The following FUT8 variants were observed in gnomAD, a reference collection of about 807,000 sequenced individuals.
The protein encoded by FUT8 is fucosyltransferase 8, also known as alpha-(1,6)-fucosyltransferase.
FUT8 carries 29 observed loss-of-function variants against 71.3 expected under a neutral mutation model. The ratio of observed to expected loss-of-function variants is 0.41; its 90% CI spans 0.30 to 0.55. The LOEUF is 0.55. FUT8 is among the 20% of genes least tolerant of loss of function. The pLI is 0.34. For synonymous variants in FUT8, 254 were observed against 239.3 expected (o/e 1.06, Z -0.57); for missense variants, 544 against 702.1 (o/e 0.77, Z 2.55).
At chr14:65,435,857 G>GT (rs1266990145) in intron 1 of FUT8, among the ~76,000 whole-genome samples, 2 of 131,084 alleles carry the variant, frequency 1.5e-5, no homozygotes, top group Admixed American at 7.5e-5. Flanking sequence ...TGTGGTTTTA[G>GT]TTTGCATTTT....
Position 65,489,572 on chromosome 14 carries a change from C to T in FUT8, c.-228+33854C>T, listed in dbSNP as rs1215664564. 6.6e-6 allele frequency among the ~76,000 whole-genome samples: 1 copy of T among 151,924 alleles called. No homozygotes were observed. Among genetic ancestry groups the T allele is most frequent in the Non-Finnish European group, 1.5e-5 (1 of 67,950 alleles). ...TAGATTTGTGATTAAAAAAATAGTT[C>T]CCTATTTGAATAATTGTCCAGGAAA... On this transcript the variant is annotated intron_variant, in intron 2 of 10. Transcript: ENST00000673929. This position sits in a 1 kb window ranked among gnomAD's most constrained non-coding sequence, Gnocchi z 4.0.
rs1022559620 is a variant in FUT8, at chr14:65,610,909, G to A, written c.204-5069G>A. On this transcript the variant is annotated intron_variant, in intron 3 of 10. Coordinates refer to ENST00000673929, the MANE Select transcript of FUT8 (RefSeq NM_001371533.1). Reference sequence around the variant, plus strand: ...TCTACATTACATATGGTTGGGTTTGGTTTGCTAAATTTTTTTATAATTTTT... The same window carrying A: ...TCTACATTACATATGGTTGGGTTTGATTTGCTAAATTTTTTTATAATTTTT... Among the ~76,000 whole-genome samples, 5 of 151,682 alleles carry A rather than the reference G, an allele frequency of 3.3e-5. 1 individual carries two copies. The highest frequency in any genetic ancestry group is 7.4e-5 in the Non-Finnish European group (5 of 67,870).
At chr14:65,502,912 A>T (rs528157646) in intron 2 of FUT8, among the ~76,000 whole-genome samples, 91 of 152,332 alleles carry the variant, frequency 6.0e-4, no homozygotes, top group Non-Finnish European at 1.1e-3. Context: ...ACAAGCTCCC[A>T]GGGGAGGCTG....
At chr14:65,465,430 C>T (rs1054256701) in intron 2 of FUT8, among the ~76,000 whole-genome samples, 3 of 152,152 alleles carry the variant, frequency 2.0e-5, no homozygotes, top group Admixed American at 1.3e-4. Context: ...CCTTAGCCTC[C>T]CAAAGTGCTG....
At chr14:65,576,535 T>G (rs979764889) in intron 3 of FUT8, among the ~76,000 whole-genome samples, 4 of 149,916 alleles carry the variant, frequency 2.7e-5, no homozygotes, top group African/African-American at 9.9e-5. Context: ...TCCGTTTTTG[T>G]TTTTTTTTCC....
At chr14:65,696,269 T>G (rs1476293618) in intron 7 of FUT8, among the ~76,000 whole-genome samples, 1 of 152,214 alleles carries the variant, frequency 6.6e-6, no homozygotes, top group East Asian at 1.9e-4. Flanking sequence ...GTTTTGTTTA[T>G]CTGAGAAATT....
intron 2 of FUT8, among the ~76,000 whole-genome samples, chr14:65,524,070 CCATA>C (rs1452136654): frequency 1.3e-5 from 2 of 152,072 alleles, no homozygotes; most frequent in African/African-American, 4.8e-5. Context: ...TTTTTTGGTT[CCATA>C]TGAACTTTAA....
In FUT8 at chr14:65,603,718, A is replaced by G. The variant is rs139591276; in HGVS notation, c.204-12260A>G. On this transcript the variant is annotated intron_variant, in intron 3 of 10. Transcript: ENST00000673929. The surrounding 1 kb of genome is among the most constrained non-coding windows in gnomAD (Gnocchi z 4.5). ...AATACACTAAAAAAAAATCCAAGGT[A>G]TACAGGCAACAGATAGGACGATGAA... Among the ~76,000 whole-genome samples the G allele has an allele frequency of 2.6e-5, 4 of 151,940 alleles. No individual in the cohort carries two copies. The East Asian group carries it at 7.7e-4, about 29-fold the overall frequency.
chr14:65,602,341 TCTCACA>T (rs1295162703), intron 3 of FUT8, among the ~76,000 whole-genome samples: 1,650 of 50,044 alleles, frequency 0.033, 98 homozygotes, highest in Non-Finnish European at 0.047. Flanking sequence ...GCGTTCCATC[TCTCACA>T]CACACACACA....
In FUT8 at chr14:65,637,690, C is replaced by G. The variant is rs968908214; in HGVS notation, c.597+8084C>G. Among the ~76,000 whole-genome samples the G allele has an allele frequency of 2.6e-5, 4 of 151,914 alleles. No individual in the cohort carries two copies. In the East Asian group the frequency reaches 7.7e-4, roughly 29 times the overall value. ...TAGGTCTGAGTTCTTGTTCCACAAC[C>G]AAGAAGAATAAGGCGTGTGGACACC... On this transcript the variant is annotated intron_variant, in intron 6 of 10. Coordinates refer to ENST00000673929, the MANE Select transcript of FUT8 (RefSeq NM_001371533.1).
Position 65,629,149 on chromosome 14 carries a change from C to T in FUT8, c.483-343C>T, listed in dbSNP as rs554788252. ...AACCAAGAGGTACTAATACTAACGTCAACTTCTTTCTCTATGTTAATTTAC... is the reference window on the plus strand; with the variant it reads ...AACCAAGAGGTACTAATACTAACGTTAACTTCTTTCTCTATGTTAATTTAC... On this transcript the variant is annotated intron_variant, in intron 5 of 10. Coordinates refer to ENST00000673929, the MANE Select transcript of FUT8 (RefSeq NM_001371533.1). Among the ~76,000 whole-genome samples the T allele has an allele frequency of 4.6e-5, 7 of 152,314 alleles. No homozygotes were observed. The South Asian group carries it at 1.2e-3, about 27-fold the overall frequency.
chr14:65,580,865 C>G (rs1213027328), intron 3 of FUT8, among the ~76,000 whole-genome samples: 1 of 152,052 alleles, frequency 6.6e-6, no homozygotes, highest in Non-Finnish European at 1.5e-5. Flanking sequence ...AGCCCCTAGA[C>G]ACAGTGTGGA....
rs1328336662 is a variant in FUT8, at chr14:65,638,089, C to T, written c.597+8483C>T. Among the ~76,000 whole-genome samples the T allele has an allele frequency of 6.6e-5, 10 of 152,208 alleles. No individual in the cohort carries two copies. The highest frequency in any genetic ancestry group is 1.5e-4 in the Non-Finnish European group (10 of 68,032). ...TTGGGTCAGTCGTTTCTGAGCAACA[C>T]CCTGGCACAAGGTGAAGTTCGTAAC... On this transcript the variant is annotated intron_variant, in intron 6 of 10. Coordinates refer to ENST00000673929, the MANE Select transcript of FUT8 (RefSeq NM_001371533.1). The surrounding 1 kb of genome is among the most constrained non-coding windows in gnomAD (Gnocchi z 4.5).
At chr14:65,369,400 G>A in the FUT8 span, among the ~76,000 whole-genome samples, 6 of 152,220 alleles carry the variant, frequency 3.9e-5, no homozygotes, top group African/African-American at 1.4e-4. This position sits in a 1 kb window ranked among gnomAD's most constrained non-coding sequence, Gnocchi z 4.6. Context: ...TTAAATCAGA[G>A]TGACTTCATC....
At chr14:65,422,522 G>A (rs1432648240) in intron 1 of FUT8, among the ~76,000 whole-genome samples, 1 of 151,838 alleles carries the variant, frequency 6.6e-6, no homozygotes, top group Non-Finnish European at 1.5e-5. Context: ...TTAAGAGATA[G>A]GGTCTTGCTC....
Position 65,550,369 on chromosome 14 carries a change from T to C in FUT8, c.-227-10968T>C, listed in dbSNP as rs1446343482. On this transcript the variant is annotated intron_variant, in intron 2 of 10. Transcript: ENST00000673929. This position sits in a 1 kb window ranked among gnomAD's most constrained non-coding sequence, Gnocchi z 4.5. The stretch of plus-strand genomic sequence containing the variant: ...ACATCATAGCTTAGCCTACCTTAAA[T>C]GTGCCCAGAACACTTATATTAGCCT... Among the ~76,000 whole-genome samples, 2 of 152,212 alleles carry C rather than the reference T, an allele frequency of 1.3e-5. No homozygotes were observed. Among genetic ancestry groups the C allele is most frequent in the Admixed American group, 6.5e-5 (1 of 15,284 alleles).
intron 5 of FUT8, among the ~76,000 whole-genome samples, chr14:65,628,120 C>G (rs1289238568): frequency 1.3e-5 from 2 of 152,108 alleles, no homozygotes; most frequent in East Asian, 3.9e-4. Flanking sequence ...GAATAGATAT[C>G]TGAGAAAAGA....
In FUT8 at chr14:65,640,486, T is replaced by A. The variant is rs375770270; in HGVS notation, c.597+10880T>A. On this transcript the variant is annotated intron_variant, in intron 6 of 10. Coordinates refer to ENST00000673929, the MANE Select transcript of FUT8 (RefSeq NM_001371533.1). ...TGTTATTTAATGCCTTCCTAAATAA[T>A]GATAATGTGAACTTAAACTCTTTAT... 4.7e-4 allele frequency among the ~76,000 whole-genome samples: 72 copies of A among 152,232 alleles called. No homozygotes were observed. The South Asian group carries it at 0.014, about 30-fold the overall frequency.
At chr14:65,465,842 T>C (rs1175083077) in intron 2 of FUT8, among the ~76,000 whole-genome samples, 1 of 152,254 alleles carries the variant, frequency 6.6e-6, no homozygotes. Flanking sequence ...TCTGCTTCTG[T>C]CAATTACCGA....
Sources: gnomAD v4.1 joint callset for allele counts (sites outside exome capture counted in the v4.1 genomes callset) on GRCh38, gnomAD v4.1.1 for gene constraint, Gnocchi (gnomAD v3.1) non-coding constraint, MANE v1.5 for transcripts, NCBI Gene and HGNC (gene_info 2026-07-23, HGNC 2026-07-21) for gene names.